The following CNST variants were observed in gnomAD, a reference collection of about 807,000 sequenced individuals.
CNST encodes the protein consortin, connexin sorting protein.
CNST carries 39 observed loss-of-function variants against 72.4 expected under a neutral mutation model. That is an observed-to-expected ratio of 0.54 (90% confidence interval 0.42 to 0.70). The LOEUF (loss-of-function observed/expected upper bound fraction) is 0.70, where lower values mean the gene tolerates loss of function less well. Among genes scored for constraint, CNST ranks in the 30% least tolerant of loss-of-function variants. The pLI is 0.00. For missense variants in CNST, 871 were observed against 868.5 expected (o/e 1.00, Z -0.04); for synonymous variants, 332 against 320.1 (o/e 1.04, Z -0.40).
chr1:246,629,983 C>T (rs12121655), intron 3 of CNST, among the ~76,000 whole-genome samples: 8,712 of 152,324 alleles, frequency 0.057, 340 homozygotes, highest in Middle Eastern at 0.092. Context: ...CTGCCTGCTT[C>T]GGTCTCTCAA....
At chr1:246,615,790 A>G (rs1360248185) in intron 2 of CNST, among the ~76,000 whole-genome samples, 1 of 151,958 alleles carries the variant, frequency 6.6e-6, no homozygotes, top group Non-Finnish European at 1.5e-5. Context: ...AGGCAGGAGA[A>G]TAGCTTGAAC....
rs376118553 is a variant in CNST at position 246,610,710 on chromosome 1, G to A, written c.380-10719G>A. On this transcript the variant is annotated intron_variant, in intron 2 of 10. Transcript: ENST00000366513. The stretch of plus-strand genomic sequence containing the variant: ...CAGGTACTCCTTTAACACTTAGCCA[G>A]GTCATCTATAATTCTGCCCCAGCCT... Among the ~76,000 whole-genome samples the A allele has an allele frequency of 1.5e-4, 23 of 152,182 alleles. No individual in the cohort carries two copies. In the East Asian group the frequency reaches 2.3e-3, roughly 15 times the overall value.
chr1:246,636,234 A>C (rs1665228111), intron 6 of CNST, among the ~76,000 whole-genome samples: 1 of 151,856 alleles, frequency 6.6e-6, no homozygotes, highest in Non-Finnish European at 1.5e-5. Flanking sequence ...GGGTTTGGTG[A>C]CAGGGGCTTT....
chr1:246,599,680 A>G (rs116310911), intron 2 of CNST, among the ~76,000 whole-genome samples: 1,929 of 152,314 alleles, frequency 0.013, 16 homozygotes, highest in Middle Eastern at 0.027. Context: ...GGCTAAAGCG[A>G]GCAGCATATT....
At chr1:246,581,317 G>A (rs1660768926) in intron 1 of CNST, among the ~76,000 whole-genome samples, 1 of 152,044 alleles carries the variant, frequency 6.6e-6, no homozygotes, top group Non-Finnish European at 1.5e-5. Context: ...CCAGGCTGGA[G>A]TGCAATGGCG....
chr1:246,642,027 CAA>C lies in CNST; in HGVS notation c.929_930del (p.Lys310ArgfsTer5), dbSNP rs1390513841. 4 of 1,600,048 alleles carry C rather than the reference CAA, an allele frequency of 2.5e-6. 1 individual carries two copies. Among genetic ancestry groups the C allele is most frequent in the South Asian group, 2.2e-5 (2 of 90,116 alleles). Reference sequence around the variant, plus strand: ...ATCCAAAGGAAGGAGGAGCTACCACCAAAGAGTCAGGTATGTTTTTAACTTAA... The same window carrying C: ...ATCCAAAGGAAGGAGGAGCTACCACCAGAGTCAGGTATGTTTTTAACTTAA... Reference protein sequence around the residue: ...EDPKEGGATTKESESKTCLGT... With the variant: ...EDPKEGGATTXESESKTCLGT... On this transcript the variant is annotated frameshift_variant, in exon 8 of 11. Coordinates refer to ENST00000366513, the MANE Select transcript of CNST (RefSeq NM_152609.3). LOFTEE classifies it high-confidence loss of function.
intron 2 of CNST, among the ~76,000 whole-genome samples, chr1:246,600,471 A>G (rs1190099579): frequency 6.6e-6 from 1 of 152,228 alleles, no homozygotes; most frequent in Admixed American, 6.5e-5. Flanking sequence ...CATCTGCCAG[A>G]GATGCTGGTG....
intron 1 of CNST, among the ~76,000 whole-genome samples, chr1:246,576,250 A>AG (rs1558526298): frequency 8.1e-6 from 1 of 123,968 alleles, no homozygotes; most frequent in Non-Finnish European, 1.6e-5. Context: ...AAAAAAAAAA[A>AG]AAAGAAACAA....
chr1:246,587,194 G>A (rs1230761864), intron 1 of CNST, among the ~76,000 whole-genome samples: 3 of 152,122 alleles, frequency 2.0e-5, no homozygotes, highest in African/African-American at 7.2e-5. Context: ...GTACTCCCAG[G>A]CTGAAGCAAG....
intron 9 of CNST, among the ~76,000 whole-genome samples, chr1:246,652,964 A>G (rs571102701): frequency 6.6e-6 from 1 of 151,250 alleles, no homozygotes; most frequent in Non-Finnish European, 1.5e-5. Flanking sequence ...AGATTGCACC[A>G]CTGCACTCCA....
intron 2 of CNST, among the ~76,000 whole-genome samples, chr1:246,600,467 C>G (rs1472073466): frequency 6.6e-6 from 1 of 152,096 alleles, no homozygotes; most frequent in Non-Finnish European, 1.5e-5. Context: ...GTAACATCTG[C>G]CAGAGATGCT....
rs375779770 is a variant in CNST, at chr1:246,647,583, G to A, written c.1382G>A (p.Arg461His). The stretch of plus-strand genomic sequence containing the variant: ...TCACAGGCTCAGAGGAAAGAACTCC[G>A]TTTGCCACTTCGGGATGCTTCTGAG... ...KYSQAQRKEL[R>H]LPLRDASEAL... The change falls in exon 9 of 11, where the codon CGT becomes CAT. Residue 461 changes from arginine (R) to histidine (H), a missense_variant. Arg to His is a conservative substitution (Grantham distance 29, BLOSUM62 0). Coordinates refer to ENST00000366513, the MANE Select transcript of CNST (RefSeq NM_152609.3). 1.4e-5 allele frequency: 23 copies of A among 1,614,054 alleles called. No individual in the cohort carries two copies. Among genetic ancestry groups the A allele is most frequent in the South Asian group, 6.6e-5 (6 of 91,088 alleles).
At position 246,647,720 on chromosome 1, in the gene CNST, G is replaced by A; in HGVS notation, c.1519G>A (p.Glu507Lys). Residue 507 changes from glutamate to lysine, a missense_variant, in exon 9 of 11, where the codon GAG becomes AAG. Physicochemically the swap from Glu to Lys is moderately conservative, Grantham distance 56. Transcript: ENST00000366513. Reference protein sequence around the residue: ...PQAQADSDGSENVLCGNNQIS... With the variant: ...PQAQADSDGSKNVLCGNNQIS... ...GGCGCAGGCTGACTCAGACGGTTCT[G>A]AGAATGTGCTCTGTGGAAATAATCA... The A allele has an allele frequency of 1.9e-6, 3 of 1,614,162 alleles. No homozygotes were observed. Among genetic ancestry groups the A allele is most frequent in the Non-Finnish European group, 2.5e-6 (3 of 1,180,040 alleles).
intron 1 of CNST, among the ~76,000 whole-genome samples, chr1:246,581,699 T>A (rs4341337): frequency 6.6e-6 from 1 of 152,254 alleles, no homozygotes; most frequent in Non-Finnish European, 1.5e-5. Context: ...TATAAACTTT[T>A]ACAAAAGCAA....
rs943739689 is a variant in CNST, at chr1:246,650,699, A to G, written c.1836+2662A>G. ...AACTTTTTTTTTTTTTTTTTTTGAT[A>G]CAGAGTCTCACTCTGTCGCCCAGGC... On this transcript the variant is annotated intron_variant, in intron 9 of 10. Coordinates refer to ENST00000366513, the MANE Select transcript of CNST (RefSeq NM_152609.3). Among the ~76,000 whole-genome samples, 5 of 66,272 alleles carry G rather than the reference A, an allele frequency of 7.5e-5. No homozygotes were observed. In the Admixed American group the frequency reaches 1.1e-3, roughly 14 times the overall value. 43.5% of individuals were successfully genotyped at this position (66,272 alleles called of 152,430 possible).
chr1:246,576,337 G>C (rs1044844989), intron 1 of CNST, among the ~76,000 whole-genome samples: 3 of 126,358 alleles, frequency 2.4e-5, no homozygotes, highest in African/African-American at 8.9e-5. Context: ...AGTGTATACC[G>C]TATTCCACTA....
intron 6 of CNST, among the ~76,000 whole-genome samples, chr1:246,636,193 C>T (rs570987883): frequency 1.1e-4 from 17 of 152,210 alleles, no homozygotes; most frequent in African/African-American, 3.6e-4. Flanking sequence ...TAACCTTGGC[C>T]ACCACTCGGC....
At chr1:246,606,092 AAG>A (rs1421252502) in intron 2 of CNST, 7 of 152,402 alleles carry the variant, frequency 4.6e-5, no homozygotes, top group Admixed American at 1.3e-4. Context: ...CTCGGAAAAA[AAG>A]AAAAAATTTT....
At chr1:246,629,882 C>A (rs1664668876) in intron 3 of CNST, among the ~76,000 whole-genome samples, 1 of 152,186 alleles carries the variant, frequency 6.6e-6, no homozygotes, top group African/African-American at 2.4e-5. Context: ...CAGGTGCACA[C>A]CACCACACCC....
Sources: allele counts gnomAD v4.1 joint callset (sites outside exome capture counted in the v4.1 genomes callset), GRCh38; gene constraint gnomAD v4.1.1; transcripts MANE v1.5; gene names NCBI Gene and HGNC (gene_info 2026-07-23, HGNC 2026-07-21).